Variants in PRRT4 observed in about 807,000 individuals in gnomAD.
The protein encoded by PRRT4 is proline-rich transmembrane protein 4.
A neutral mutation model predicts 55.6 loss-of-function variants in PRRT4; 59 were observed. The observed-to-expected ratio is 1.06, with a 90% CI of 0.86 to 1.32. The LOEUF is 1.32. Among genes scored for constraint, PRRT4 ranks in the 40% most tolerant of loss-of-function variants. PRRT4 has a pLI of 0.00. For missense variants in PRRT4, 1,217 were observed against 1,222.0 expected, an observed-to-expected ratio of 1.00 and a Z score of 0.06; for synonymous variants, 606 against 601.8, an observed-to-expected ratio of 1.01 and a Z score of -0.10.
chr7:128,361,339 C>G (rs918416138), intron 1 of PRRT4: 4 of 152,280 alleles, frequency 2.6e-5, no homozygotes, highest in African/African-American at 9.7e-5. Context: ...AGGCAGGTCT[C>G]CTCGCCGAGC....
At chr7:128,352,208 G>A (rs1235624606) in exon 5 of PRRT4, 2 of 1,525,948 alleles carry the variant, frequency 1.3e-6, no homozygotes, top group Non-Finnish European at 8.8e-7. Context: ...AGGCAGGCCA[G>A]CCCCAGGCCG....
Position 128,359,420 on chromosome 7 carries a change from G to A in PRRT4, c.572C>T (p.Thr191Met), listed in dbSNP as rs1057356425. ...CAGGGGCAGCGTTCGATGCCCAAGC[G>A]TGGGGGCTGCACCTGCTCTCAGTGC... The change falls in exon 2 of 5, where the codon ACG (threonine) becomes ATG (methionine). Residue 191 changes from threonine to methionine, a missense_variant. By Grantham distance (81) the Thr-to-Met change is moderately conservative. This residue lies in a region of PRRT4 where 564 missense variants were observed against 592.9 expected (regional missense o/e 0.95). Transcript: ENST00000535159. 1.6e-5 allele frequency: 23 copies of A among 1,465,884 alleles called. No homozygotes were observed. The highest frequency in any genetic ancestry group is 9.9e-5 in the East Asian group (4 of 40,364). 90.8% of individuals were successfully genotyped at this position (1,465,884 alleles called of 1,614,324 possible). A position where few individuals can be genotyped will look rare whatever the true frequency, so the allele number is the denominator to read the frequency against.
exon 2 of PRRT4, chr7:128,359,956 G>A: frequency 7.0e-7 from 1 of 1,433,262 alleles, no homozygotes; most frequent in Non-Finnish European, 9.2e-7. Context: ...GGACGCAGCA[G>A]AACAGTCCCA....
At chr7:128,352,190 C>CCAG in exon 5 of PRRT4, 1 of 1,475,852 alleles carries the variant, frequency 6.8e-7, no homozygotes, top group African/African-American at 1.5e-5. Flanking sequence ...CGCGGCCGGG[C>CCAG]CAGCAGCAGG....
chr7:128,351,931 G>A (rs1447006952), exon 5 of PRRT4: 2 of 1,296,974 alleles, frequency 1.5e-6, no homozygotes, highest in Non-Finnish European at 1.9e-6. Flanking sequence ...GCGCCCCTGC[G>A]GCAGGGGTGT....
intron 1 of PRRT4, among the ~76,000 whole-genome samples, chr7:128,360,964 C>T (rs1195992777): frequency 1.3e-5 from 2 of 151,834 alleles, no homozygotes; most frequent in South Asian, 2.1e-4. Flanking sequence ...GTCACATACC[C>T]CCCTGCCCCT....
chr7:128,353,607 C>G (rs7810319), intron 4 of PRRT4, among the ~76,000 whole-genome samples: 20,398 of 152,150 alleles, frequency 0.13, 1,603 homozygotes, highest in Non-Finnish European at 0.18. Context: ...CCTATCCTGC[C>G]TCATCCACAA....
Position 128,350,942 on chromosome 7 carries a change from C to A in PRRT4, c.2614G>T (p.Glu872Ter). The change falls in exon 5 of 5, where the codon GAG becomes TAG. Residue 872 changes from glutamate (E) to a stop codon, truncating the protein, a stop_gained. Transcript: ENST00000535159. LOFTEE classifies it high-confidence loss of function. The stretch of plus-strand genomic sequence containing the variant: ...AACTGCTCCTGCAGCAAGGCCTCCT[C>A]GGCCTGCAGCTCAGAAGCAGGCTCT... The A allele has an allele frequency of 6.4e-7, 1 of 1,550,918 alleles. No homozygotes were observed. Among genetic ancestry groups the A allele is most frequent in the Non-Finnish European group, 8.7e-7 (1 of 1,146,978 alleles).
At position 128,358,931 on chromosome 7, in the gene PRRT4, T is replaced by C. The variant is rs142289907; in HGVS notation, c.758-131A>G. The C allele has an allele frequency of 7.1e-7, 1 of 1,400,742 alleles. No individual in the cohort carries two copies. Among genetic ancestry groups the C allele is most frequent in the African/African-American group, 1.5e-5 (1 of 68,850 alleles). The allele number at this position is 1,400,742 out of a possible 1,614,324, so 86.8% of individuals were successfully genotyped here. On this transcript the variant is annotated intron_variant, in intron 3 of 4. Transcript: ENST00000535159. The surrounding 1 kb of genome is among the most constrained non-coding windows in gnomAD (Gnocchi z 4.4). ...CACTGTCCCAGGAATTGTAGCCACA[T>C]GCTAAGCTCATGTACACCATGAGCT...
In PRRT4 at chr7:128,352,475, GC is replaced by G; in HGVS notation, c.1080del (p.Leu361TrpfsTer10). 6.5e-7 allele frequency: 1 copy of G among 1,540,196 alleles called. No individual in the cohort carries two copies. The highest frequency in any genetic ancestry group is 2.0e-5 in the Admixed American group (1 of 50,998). ...CCGTACACGTGGGCCTCCCAGGCCAGCCCCCAGCGAGCCCTGGCCTCTGCCC... is the reference window on the plus strand; with the variant it reads ...CCGTACACGTGGGCCTCCCAGGCCAGCCCCAGCGAGCCCTGGCCTCTGCCC... On this transcript the variant is annotated frameshift_variant, in exon 5 of 5. Coordinates refer to ENST00000535159, the Ensembl canonical transcript of PRRT4. LOFTEE classifies it high-confidence loss of function.
At chr7:128,352,383 C>G (rs1651945) in exon 5 of PRRT4, 1,390,183 of 1,536,994 alleles carry the variant, frequency 0.9, 632,884 homozygotes, top group Middle Eastern at 0.94. Flanking sequence ...CGGGCGGGCA[C>G]CGCCAGGGCA....
At chr7:128,351,491 G>A in exon 5 of PRRT4, 1 of 1,518,210 alleles carries the variant, frequency 6.6e-7, no homozygotes, top group South Asian at 1.2e-5. Flanking sequence ...CCGCCCTGGA[G>A]TAGGAGGTCT....
chr7:128,351,244 C>T lies in PRRT4; in HGVS notation c.2312G>A (p.Gly771Asp), dbSNP rs758636657. ...CTCCCCTGATCTCTCACTGGCCCTG[C>T]CCCCGGTCCCCAGCGAGGCGGTGCG... is the stretch of plus-strand genomic sequence containing the variant. Residue 771 changes from glycine (G) to aspartate (D), a missense_variant, in exon 5 of 5, where the codon GGC (glycine) becomes GAC (aspartate). Gly to Asp is a moderately conservative substitution (Grantham distance 94). Transcript: ENST00000535159. The T allele has an allele frequency of 2.6e-6, 4 of 1,539,194 alleles. No individual in the cohort carries two copies. In the South Asian group the frequency reaches 3.6e-5, roughly 14 times the overall value.
In PRRT4 at chr7:128,352,414, G is replaced by C. The variant is rs569725348; in HGVS notation, c.1142C>G (p.Ala381Gly). 6.1e-5 allele frequency: 94 copies of C among 1,537,136 alleles called. No homozygotes were observed. In the African/African-American group the frequency reaches 1.2e-3, roughly 20 times the overall value. Residue 381 changes from alanine (A) to glycine (G), a missense_variant, in exon 5 of 5, where the codon GCG (alanine) becomes GGG (glycine). By Grantham distance (60) the Ala-to-Gly change is moderately conservative (BLOSUM62 0). Coordinates refer to ENST00000535159, the Ensembl canonical transcript of PRRT4. ...GGGCAAGAGGGCCAGAGCCAGCAGC[G>C]CCAGCAAGGCAACCAGGCCGAAGAG...
chr7:128,352,635 G>A lies in PRRT4; in HGVS notation c.921C>T (p.Pro307=), dbSNP rs1291494089. Residue 307 remains proline, a synonymous_variant, in exon 5 of 5, where the codon CCC becomes CCT. Coordinates refer to ENST00000535159, the Ensembl canonical transcript of PRRT4. ...GCCCCGAAGGGTTCCCGAGGCTGGC[G>A]GGAGGAGAGAGGTCATCTGGGCCAG... is the stretch of plus-strand genomic sequence containing the variant. The A allele has an allele frequency of 6.5e-6, 10 of 1,539,434 alleles. No homozygotes were observed. The East Asian group carries it at 1.5e-4, about 23-fold the overall frequency.
chr7:128,350,871 G>A, exon 5 of PRRT4: 2 of 1,551,176 alleles, frequency 1.3e-6, no homozygotes, highest in South Asian at 1.2e-5. Context: ...GGTCTATGGT[G>A]TCGCTGCCCA....
Position 128,351,871 on chromosome 7 carries a change from G to C in PRRT4, c.1685C>G (p.Pro562Arg), listed in dbSNP as rs1467898627. 2 of 1,332,984 alleles carry C rather than the reference G, an allele frequency of 1.5e-6. No individual in the cohort carries two copies. The highest frequency in any genetic ancestry group is 4.1e-5 in the Admixed American group (1 of 24,342). 82.6% of individuals were successfully genotyped at this position (1,332,984 alleles called of 1,614,324 possible). ...CAGCAGCCCGAAGGTGCCCGCCACC[G>C]GGGCCGTGCGCGCCGCGCGCCGCCA... The change falls in exon 5 of 5, where the codon CCG (proline) becomes CGG (arginine). Residue 562 changes from proline (P) to arginine (R), a missense_variant. Transcript: ENST00000535159.
chr7:128,355,490 C>T (rs958398070), intron 4 of PRRT4, among the ~76,000 whole-genome samples: 1 of 152,214 alleles, frequency 6.6e-6, no homozygotes, highest in African/African-American at 2.4e-5. Context: ...GCCACCGCGC[C>T]CGGCCAAATA....
At chr7:128,356,156 G>T (rs966831838) in intron 4 of PRRT4, among the ~76,000 whole-genome samples, 4 of 152,166 alleles carry the variant, frequency 2.6e-5, no homozygotes, top group Non-Finnish European at 5.9e-5. Flanking sequence ...ATACTCAGGA[G>T]GCTGAGGCAG....
Sources: gnomAD v4.1 joint callset for allele counts (sites outside exome capture counted in the v4.1 genomes callset) on GRCh38, gnomAD v4.1.1 for gene constraint, gnomAD v4.1.1 regional missense constraint, Gnocchi (gnomAD v3.1) non-coding constraint, MANE v1.5 for transcripts, NCBI Gene and HGNC (gene_info 2026-07-23, HGNC 2026-07-21) for gene names.